The following NEBL variants were observed in gnomAD, a reference collection of about 807,000 sequenced individuals.
NEBL encodes LIM and SH3 protein 2.
In NEBL, 122 loss-of-function variants were observed where a neutral mutation model predicts 140.2. The ratio of observed to expected loss-of-function variants is 0.87; its 90% confidence interval spans 0.75 to 1.01. The LOEUF (loss-of-function observed/expected upper bound fraction) is 1.01. NEBL is among the 50% of genes least tolerant of loss of function. The pLI is 0.00. For missense variants in NEBL, 1,365 were observed against 1,231.3 expected (o/e 1.11, Z -1.62); for synonymous variants, 436 against 398.9 (o/e 1.09, Z -1.11).
intron 2 of NEBL, chr10:21,170,862 T>C (rs1201457900): frequency 6.6e-6 from 1 of 152,378 alleles, no homozygotes; most frequent in African/African-American, 2.4e-5. Flanking sequence ...ACTGTCAGTA[T>C]GTAATGAAGC....
chr10:21,060,506 C>G (rs1257926439), intron 2 of NEBL, among the ~76,000 whole-genome samples: 1 of 152,174 alleles, frequency 6.6e-6, no homozygotes, highest in East Asian at 1.9e-4. Flanking sequence ...CTTGCCTACT[C>G]AAAGACATCA....
intron 4 of NEBL, among the ~76,000 whole-genome samples, chr10:20,921,604 T>C (rs1833579811): frequency 6.6e-6 from 1 of 152,142 alleles, no homozygotes; most frequent in African/African-American, 2.4e-5. Flanking sequence ...ACTTCCTGAA[T>C]CTCGGGGCAC....
intron 26 of NEBL, among the ~76,000 whole-genome samples, chr10:20,789,970 C>T (rs886822357): frequency 7.5e-5 from 11 of 145,886 alleles, no homozygotes; most frequent in Admixed American, 3.4e-4. Flanking sequence ...TATATATATA[C>T]ACACACACAC....
chr10:21,259,054 A>G (rs1239394878), intron 1 of NEBL, among the ~76,000 whole-genome samples: 1 of 151,372 alleles, frequency 6.6e-6, no homozygotes, highest in Non-Finnish European at 1.5e-5. Context: ...ATACTTGGGG[A>G]AAAAAAGACG....
At chr10:21,163,868 G>A (rs1433596083) in intron 2 of NEBL, among the ~76,000 whole-genome samples, 1 of 152,180 alleles carries the variant, frequency 6.6e-6, no homozygotes, top group Non-Finnish European at 1.5e-5. Context: ...GAAGTCAAAC[G>A]CGAAGCAACA....
At chr10:20,941,124 A>T (rs1215698555) in intron 4 of NEBL, among the ~76,000 whole-genome samples, 1 of 152,190 alleles carries the variant, frequency 6.6e-6, no homozygotes, top group Non-Finnish European at 1.5e-5. Context: ...CCTGGCAGAG[A>T]CACAACAAAA....
chr10:21,083,417 G>T (rs528959029), intron 2 of NEBL, among the ~76,000 whole-genome samples: 2 of 152,250 alleles, frequency 1.3e-5, no homozygotes, highest in South Asian at 2.1e-4. Flanking sequence ...GCAATGATCT[G>T]TTCAAGGGGT....
chr10:21,154,402 T>C (rs1050025924), intron 2 of NEBL, among the ~76,000 whole-genome samples: 27 of 146,376 alleles, frequency 1.8e-4, no homozygotes, highest in Non-Finnish European at 3.4e-4. Flanking sequence ...GAGGTTGCAA[T>C]GAGCTGAAAT....
At chr10:21,181,158 G>T (rs1841380216) in intron 3 of NEBL, among the ~76,000 whole-genome samples, 1 of 151,850 alleles carries the variant, frequency 6.6e-6, no homozygotes, top group Admixed American at 6.6e-5. Flanking sequence ...AGCTACTCGG[G>T]AGGCTGAGGC....
chr10:21,048,902 A>G (rs1056235774), intron 2 of NEBL, among the ~76,000 whole-genome samples: 1 of 152,152 alleles, frequency 6.6e-6, no homozygotes, highest in African/African-American at 2.4e-5. Flanking sequence ...CGAGGTACTC[A>G]GGAGGCTGAG....
chr10:20,852,517 G>T lies in NEBL; in HGVS notation c.1008+28C>A, dbSNP rs181687672. The T allele has an allele frequency of 6.1e-4, 924 of 1,521,968 alleles. 5 individuals carry two copies. In the African/African-American group the frequency reaches 0.011, roughly 18 times the overall value. 94.3% of individuals were successfully genotyped at this position (1,521,968 alleles called of 1,614,324 possible). On this transcript the variant is annotated intron_variant, in intron 10 of 27. Transcript: ENST00000377122. ...ATGGTTACGGGTTGCTGGCAGGGAGGGTAGGTACCGTACGGGCAAGTGTGT... is the reference window on the plus strand; with the variant it reads ...ATGGTTACGGGTTGCTGGCAGGGAGTGTAGGTACCGTACGGGCAAGTGTGT...
chr10:21,146,253 C>T (rs757758537), intron 2 of NEBL: 13 of 1,030,318 alleles, frequency 1.3e-5, no homozygotes, highest in Non-Finnish European at 1.9e-5. Flanking sequence ...CTTACAGCTG[C>T]ACGTGTCAGG....
In NEBL at chr10:20,889,938, T is replaced by C; in HGVS notation, c.165A>G (p.Lys55=). ...TATCCTTGGACTTTTTAAACTCTTC[T>C]TTATAACGGATCTAAAAAAGAGAAT... is the stretch of plus-strand genomic sequence containing the variant. ...CTELISDIRY[K]EEFKKSKDKC... is the part of the protein sequence containing the mutation. Residue 55 remains lysine (K), a synonymous_variant, in exon 3 of 28, where the codon AAA becomes AAG. Transcript: ENST00000377122. 1 of 1,592,842 alleles carries C rather than the reference T, an allele frequency of 6.3e-7. No homozygotes were observed. The highest frequency in any genetic ancestry group is 1.1e-5 in the South Asian group (1 of 89,198).
intron 1 of NEBL, among the ~76,000 whole-genome samples, chr10:21,269,467 C>G (rs1371364308): frequency 6.6e-6 from 1 of 152,176 alleles, no homozygotes; most frequent in Non-Finnish European, 1.5e-5. Flanking sequence ...TTGCTTTTAT[C>G]TTCTTCGCAC....
chr10:21,167,652 C>A (rs1840838314), intron 2 of NEBL, among the ~76,000 whole-genome samples: 1 of 152,160 alleles, frequency 6.6e-6, no homozygotes, highest in African/African-American at 2.4e-5. Context: ...GACTTATACA[C>A]ACAACAAATT....
chr10:20,791,687 C>A (rs1192834664), intron 26 of NEBL, among the ~76,000 whole-genome samples: 1 of 152,002 alleles, frequency 6.6e-6, no homozygotes. Flanking sequence ...GAGCACTGCA[C>A]CATGCTAAGA....
chr10:21,180,332 T>C (rs946839092), intron 3 of NEBL, among the ~76,000 whole-genome samples: 1 of 152,154 alleles, frequency 6.6e-6, no homozygotes, highest in East Asian at 1.9e-4. Flanking sequence ...AATAATGACG[T>C]TCTGGGACTT....
chr10:21,006,867 C>T (rs763803600), intron 3 of NEBL, among the ~76,000 whole-genome samples: 33 of 152,150 alleles, frequency 2.2e-4, no homozygotes, highest in South Asian at 6.2e-4. Flanking sequence ...TTTCGATCCA[C>T]ATTATTTTAA....
chr10:20,922,566 T>C (rs1316113008), intron 4 of NEBL, among the ~76,000 whole-genome samples: 5 of 152,236 alleles, frequency 3.3e-5, no homozygotes, highest in Admixed American at 1.3e-4. Flanking sequence ...TATGGACAGA[T>C]GGGCATTTTG....
Sources: allele counts gnomAD v4.1 joint callset (sites outside exome capture counted in the v4.1 genomes callset), GRCh38; gene constraint gnomAD v4.1.1; transcripts MANE v1.5; gene names NCBI Gene and HGNC (gene_info 2026-07-23, HGNC 2026-07-21).